Variants in LY75 observed in about 807,000 individuals in gnomAD.
LY75 encodes lymphocyte antigen 75.
Under a neutral mutation model 231.7 loss-of-function variants are expected in LY75, and 185 were observed. The ratio of observed to expected loss-of-function variants is 0.80; its 90% CI spans 0.71 to 0.90. LY75 has a LOEUF of 0.90. Among genes scored for constraint, LY75 ranks in the 40% least tolerant of loss-of-function variants. The probability of loss-of-function intolerance (pLI) is 0.00; values close to 1 mark genes in which losing one functional copy is unlikely to be tolerated. For missense variants in LY75, 1,947 were observed against 2,050.2 expected, an observed-to-expected ratio of 0.95 and a Z score of 0.97; for synonymous variants, 668 against 689.0, an observed-to-expected ratio of 0.97 and a Z score of 0.48.
intron 31 of LY75, among the ~76,000 whole-genome samples, chr2:159,813,652 T>C (rs1035016783): frequency 5.9e-5 from 9 of 152,152 alleles, no homozygotes; most frequent in East Asian, 1.9e-4. Flanking sequence ...CTCCCTCTTA[T>C]AAGGACACTA....
intron 29 of LY75, 92 bp from the exon 30 acceptor site, chr2:159,817,124 A>G: frequency 2.3e-6 from 3 of 1,328,722 alleles, no homozygotes; most frequent in Non-Finnish European, 3.0e-6. Flanking sequence ...CAAAAGTTAA[A>G]TAAAACTGGG....
chr2:159,845,701 A>T (rs910125357), intron 23 of LY75, among the ~76,000 whole-genome samples: 7 of 150,772 alleles, frequency 4.6e-5, no homozygotes, highest in East Asian at 2.0e-4. Flanking sequence ...AGGTTAAAAA[A>T]TTTTTTTTCT....
rs146544104 is a variant in LY75 at position 159,881,149 on chromosome 2, A to G, written c.1338T>C (p.Tyr446=). ...WSDGTEVTLT[Y]WDENEPNVPY... Reference sequence around the variant, plus strand: ...GAACATTTGGCTCATTCTCATCCCAATATGTTAGAGTAACTTCAGTACCAT... The same window carrying G: ...GAACATTTGGCTCATTCTCATCCCAGTATGTTAGAGTAACTTCAGTACCAT... Residue 446 remains tyrosine, a synonymous_variant, in exon 8 of 35, where the codon TAT becomes TAC. Transcript: ENST00000263636. 20 of 1,613,814 alleles carry G rather than the reference A, an allele frequency of 1.2e-5. No homozygotes were observed. The African/African-American group carries it at 2.0e-4, about 16-fold the overall frequency.
At chr2:159,860,761 G>T in intron 15 of LY75, 60 bp downstream of exon 15, 2 of 1,585,514 alleles carry the variant, frequency 1.3e-6, no homozygotes, top group South Asian at 2.2e-5. Context: ...TCTGTTACTT[G>T]ACTGCATATG....
chr2:159,823,098 T>G (rs1338665695), intron 28 of LY75, among the ~76,000 whole-genome samples: 1 of 152,066 alleles, frequency 6.6e-6, no homozygotes, highest in Non-Finnish European at 1.5e-5. Context: ...GAGAAAGAGT[T>G]TGATGAATTG....
rs200045084 is a variant in LY75, at chr2:159,850,798, ATT to A, written c.2884-333_2884-332del. 2.2e-3 allele frequency among the ~76,000 whole-genome samples: 276 copies of A among 127,442 alleles called. 11 individuals are homozygous for A. The Middle Eastern group carries it at 0.042, about 19-fold the overall frequency. The allele number at this position is 127,442 out of a possible 152,430, so 83.6% of individuals were successfully genotyped here. ...CATATATATATATATATATATATAT[ATT>A]ATATCTTATATATAAGATATATATT... On this transcript the variant is annotated intron_variant, in intron 21 of 34. Transcript: ENST00000263636.
At chr2:159,886,601 A>G (rs1685593955) in intron 4 of LY75, 71 bp from the exon 5 acceptor site, 1 of 1,431,970 alleles carries the variant, frequency 7.0e-7, no homozygotes, top group Admixed American at 2.1e-5. Flanking sequence ...GACTTATTCT[A>G]CTAATAACAA....
chr2:159,876,629 T>C (rs769906154), intron 11 of LY75, among the ~76,000 whole-genome samples: 6 of 151,942 alleles, frequency 3.9e-5, no homozygotes, highest in Non-Finnish European at 7.4e-5. Context: ...ATGGAGGAAG[T>C]AGTCATGGTA....
At chr2:159,848,087 T>TACACACACACACACACACACACACAC (rs779996304) in intron 23 of LY75, among the ~76,000 whole-genome samples, 1 of 103,404 alleles carries the variant, frequency 9.7e-6, no homozygotes, top group African/African-American at 6.0e-5. Context: ...TATATATATA[T>TACACACACACACACACACACACACAC]ATATATACAC....
chr2:159,853,787 C>A, intron 18 of LY75, 90 bp from the exon 19 acceptor site: 1 of 1,541,560 alleles, frequency 6.5e-7, no homozygotes, highest in East Asian at 2.3e-5. Flanking sequence ...TAATCACTAA[C>A]CACTAAAATT....
chr2:159,876,140 T>C (rs183706568), intron 11 of LY75, among the ~76,000 whole-genome samples: 1 of 152,340 alleles, frequency 6.6e-6, no homozygotes, highest in East Asian at 1.9e-4. Flanking sequence ...TGTGGTAACA[T>C]ACATTTGTTT....
At chr2:159,882,507 G>A (rs765855603) in intron 6 of LY75, among the ~76,000 whole-genome samples, 192 bp from the exon 7 acceptor site, 2 of 152,146 alleles carry the variant, frequency 1.3e-5, no homozygotes, top group African/African-American at 4.8e-5. Flanking sequence ...AGGAATTCCC[G>A]CTGGGATTCA....
At chr2:159,866,535 A>G (rs1451611455) in intron 13 of LY75, among the ~76,000 whole-genome samples, 1 of 152,162 alleles carries the variant, frequency 6.6e-6, no homozygotes, top group Admixed American at 6.6e-5. Context: ...GTTTAAATTT[A>G]GTAGCTACAA....
intron 15 of LY75, among the ~76,000 whole-genome samples, chr2:159,859,652 G>A (rs193114651): frequency 6.6e-6 from 1 of 152,110 alleles, no homozygotes; most frequent in Admixed American, 6.6e-5. Flanking sequence ...TAGCATAGTG[G>A]TTAAGAGTAC....
intron 1 of LY75, 78 bp from the exon 2 acceptor site, chr2:159,899,137 C>A: frequency 6.5e-7 from 1 of 1,536,898 alleles, no homozygotes; most frequent in East Asian, 2.3e-5. Flanking sequence ...AGAGTCTGAG[C>A]ACTACTGGAC....
In LY75 at chr2:159,885,301, G is replaced by A. The variant is rs1288258639; in HGVS notation, c.914-8C>T. On this transcript the variant is annotated splice_region_variant and splice_polypyrimidine_tract_variant and intron_variant, in intron 5 of 34. Coordinates refer to ENST00000263636, the MANE Select transcript of LY75 (RefSeq NM_002349.4). ...TAGGTGCACTGGGCCTGTCTTAAAA[G>A]GGAACATTTTTCAAAGCATTAGAAT... 2.5e-6 allele frequency: 4 copies of A among 1,609,948 alleles called. No individual in the cohort carries two copies. Among genetic ancestry groups the A allele is most frequent in the African/African-American group, 1.3e-5 (1 of 74,750 alleles).
At chr2:159,812,667 C>T (rs1199390961) in intron 31 of LY75, among the ~76,000 whole-genome samples, 1 of 152,132 alleles carries the variant, frequency 6.6e-6, no homozygotes, top group South Asian at 2.1e-4. Context: ...CCTGTCTCAG[C>T]CCCCCAAAGT....
At chr2:159,806,850 T>C in intron 34 of LY75, 123 bp downstream of exon 34, 1 of 1,185,654 alleles carries the variant, frequency 8.4e-7, no homozygotes, top group Non-Finnish European at 1.1e-6. Context: ...ATCAAGATAG[T>C]TGGATATACT....
intron 13 of LY75, among the ~76,000 whole-genome samples, chr2:159,868,381 T>C (rs1684915105): frequency 6.6e-6 from 1 of 152,222 alleles, no homozygotes; most frequent in Non-Finnish European, 1.5e-5. Context: ...AAATAGGTTT[T>C]GTAAAAGCTA....
Sources: allele counts gnomAD v4.1 joint callset (sites outside exome capture counted in the v4.1 genomes callset), GRCh38; gene constraint gnomAD v4.1.1; transcripts MANE v1.5; gene names NCBI Gene and HGNC (gene_info 2026-07-23, HGNC 2026-07-21).